PLD2: variants seen among roughly 807,000 people sequenced by gnomAD.
PLD2 encodes phospholipase D2, also known as choline phosphatase 2.
In PLD2, 101 loss-of-function variants were observed where a neutral mutation model predicts 119.8. That is an observed-to-expected ratio of 0.84 (90% CI 0.72 to 0.99). PLD2 has a LOEUF of 0.99. Ranked by LOEUF, PLD2 falls within the 50% of genes least tolerant of loss-of-function variation. The pLI is 0.00. For synonymous variants in PLD2, 494 were observed against 482.8 expected (o/e 1.02, Z -0.30); for missense variants, 1,164 against 1,226.8 (o/e 0.95, Z 0.76).
At position 4,819,396 on chromosome 17, in the gene PLD2, C is replaced by T; in HGVS notation, c.2309-33C>T. 1 of 1,610,902 alleles carries T rather than the reference C, an allele frequency of 6.2e-7. No homozygotes were observed. Among genetic ancestry groups the T allele is most frequent in the East Asian group, 2.2e-5 (1 of 44,730 alleles). ...GGGTACTGGGGAGAGTGCCCTGGGC[C>T]CAAGCACACAGTGTGCCCCGCATCC... On this transcript the variant is annotated intron_variant, in intron 22 of 24. Coordinates refer to ENST00000263088, the MANE Select transcript of PLD2 (RefSeq NM_002663.5). The surrounding 1 kb of genome is among the most constrained non-coding windows in gnomAD (Gnocchi z 4.2).
In PLD2 at chr17:4,822,647, G is replaced by T; in HGVS notation, c.2585G>T (p.Arg862Leu). The change falls in exon 25 of 25, where the codon CGC becomes CTC. Residue 862 changes from arginine to leucine, a missense_variant. Arg to Leu is a moderately radical substitution (Grantham distance 102). Transcript: ENST00000263088. ...CCATGCCCCCGCCCACAGATCTTCC[G>T]CTGCCTGCCATCCAATGCCACGCGT... Reference protein sequence around the residue: ...SNANIYEQIFRCLPSNATRSL... With the variant: ...SNANIYEQIFLCLPSNATRSL... 6.2e-7 allele frequency: 1 copy of T among 1,603,880 alleles called. No individual in the cohort carries two copies. Among genetic ancestry groups the T allele is most frequent in the African/African-American group, 1.3e-5 (1 of 74,888 alleles).
Position 4,822,726 on chromosome 17 carries a change from TC to T in PLD2, c.2670del (p.Leu891TrpfsTer21). 1 of 1,613,778 alleles carries T rather than the reference TC, an allele frequency of 6.2e-7. No homozygotes were observed. Among genetic ancestry groups the T allele is most frequent in the Non-Finnish European group, 8.5e-7 (1 of 1,179,766 alleles). ...VAVEPLATVSPPLARSELTQV... is the reference protein window; with the variant it reads ...VAVEPLATVSXPLARSELTQV... ...CCGTGGAGCCCTTGGCCACGGTCAG[TC>T]CCCCCTTGGCTCGGTCTGAGCTCAC... On this transcript the variant is annotated frameshift_variant, in exon 25 of 25. Transcript: ENST00000263088. LOFTEE classifies it high-confidence loss of function.
rs1567522411 is a variant in PLD2 at position 4,807,530 on chromosome 17, GT to G, written c.-1-240del. The G allele has an allele frequency of 3.3e-6, 1 of 299,778 alleles. No homozygotes were observed. The highest frequency in any genetic ancestry group is 6.4e-6 in the Non-Finnish European group (1 of 156,068). 18.6% of individuals were successfully genotyped at this position (299,778 alleles called of 1,614,324 possible). On this transcript the variant is annotated intron_variant, in intron 1 of 24. Transcript: ENST00000263088. This position sits in a 1 kb window ranked among gnomAD's most constrained non-coding sequence, Gnocchi z 5.4. The stretch of plus-strand genomic sequence containing the variant: ...TGGCTGGGTGTTCCCCGGGGCTCTG[GT>G]TACGGGACGGGGCGGGGGGCGGGGG...
At chr17:4,816,053 T>C in intron 14 of PLD2, 119 bp downstream of exon 14, 1 of 780,948 alleles carries the variant, frequency 1.3e-6, no homozygotes, top group Non-Finnish European at 2.1e-6. Context: ...TCAGGGTTCC[T>C]CAGACTTTCT....
chr17:4,814,561 TAGG>T, intron 11 of PLD2, 60 bp downstream of exon 11: 1 of 1,612,744 alleles, frequency 6.2e-7, no homozygotes. Flanking sequence ...AGATCAGCAT[TAGG>T]AGGAGAAGGG....
At position 4,808,027 on chromosome 17, in the gene PLD2, T is replaced by G. The variant is rs764161112; in HGVS notation, c.153T>G (p.Ser51=). 2 of 1,612,818 alleles carry G rather than the reference T, an allele frequency of 1.2e-6. No individual in the cohort carries two copies. The highest frequency in any genetic ancestry group is 1.7e-6 in the Non-Finnish European group (2 of 1,178,974). Residue 51 remains serine, a synonymous_variant, in exon 3 of 25, where the codon TCT becomes TCG. Coordinates refer to ENST00000263088, the MANE Select transcript of PLD2 (RefSeq NM_002663.5). This position sits in a 1 kb window ranked among gnomAD's most constrained non-coding sequence, Gnocchi z 4.1. ...TTCTGGCCATCTATGAGCTTCAGTCTCTGAAAGTGCACCCCTTGGTGTTCG... is the reference window on the plus strand; with the variant it reads ...TTCTGGCCATCTATGAGCTTCAGTCGCTGAAAGTGCACCCCTTGGTGTTCG... ...HPFLAIYELQ[S]LKVHPLVFAP...
At chr17:4,820,964 G>A (rs866090901) in intron 23 of PLD2, among the ~76,000 whole-genome samples, 7 of 149,164 alleles carry the variant, frequency 4.7e-5, no homozygotes, top group Admixed American at 2.0e-4. Flanking sequence ...GTGCAGTGGC[G>A]CGATCTCGGC....
intron 14 of PLD2, among the ~76,000 whole-genome samples, 198 bp downstream of exon 14, chr17:4,816,132 A>G (rs1407197104): frequency 2.0e-5 from 3 of 152,164 alleles, no homozygotes; most frequent in Non-Finnish European, 4.4e-5. Flanking sequence ...CTGTAATCCC[A>G]GCACTTTGGG....
rs1419327251 is a variant in PLD2, at chr17:4,822,708, GCCCTTGGCCACGGTCAGTCCC to G, written c.2655_2675del (p.Thr886_Ala892del). On this transcript the variant is annotated inframe_deletion, in exon 25 of 25. Transcript: ENST00000263088. Reference sequence around the variant, plus strand: ...CTCTCCGGGAGTACGTGGCCGTGGAGCCCTTGGCCACGGTCAGTCCCCCCTTGGCTCGGTCTGAGCTCACCC... The same window carrying G: ...CTCTCCGGGAGTACGTGGCCGTGGAGCCCTTGGCTCGGTCTGAGCTCACCC... 6.2e-7 allele frequency: 1 copy of G among 1,614,098 alleles called. No homozygotes were observed.
chr17:4,808,267 C>T lies in PLD2; in HGVS notation c.241-7C>T. On this transcript the variant is annotated splice_polypyrimidine_tract_variant and splice_region_variant and intron_variant, in intron 3 of 24. Coordinates refer to ENST00000263088, the MANE Select transcript of PLD2 (RefSeq NM_002663.5). This position sits in a 1 kb window ranked among gnomAD's most constrained non-coding sequence, Gnocchi z 4.1. ...GGGGACATCCATTCAGTTCCTCATA[C>T]CCCTAGGTGGGAACCTGCACTCTGT... 7.4e-6 allele frequency: 12 copies of T among 1,613,640 alleles called. No homozygotes were observed. Among genetic ancestry groups the T allele is most frequent in the Middle Eastern group, 1.7e-4 (1 of 6,060 alleles).
chr17:4,807,759 C>T lies in PLD2; in HGVS notation c.-1-13C>T. On this transcript the variant is annotated splice_polypyrimidine_tract_variant and intron_variant, in intron 1 of 24. Transcript: ENST00000263088. This position sits in a 1 kb window ranked among gnomAD's most constrained non-coding sequence, Gnocchi z 5.4. ...GGACAGCTCGCCTCCCTGAGGCTTC[C>T]CAATGTTCCTAGGATGACGGCGACC... 2.0e-6 allele frequency: 3 copies of T among 1,515,074 alleles called. No homozygotes were observed. Among genetic ancestry groups the T allele is most frequent in the Non-Finnish European group, 2.7e-6 (3 of 1,099,630 alleles). The allele number at this position is 1,515,074 out of a possible 1,614,324, so 93.9% of individuals were successfully genotyped here. A position where few individuals can be genotyped will look rare whatever the true frequency, so the allele number is the denominator to read the frequency against.
Position 4,807,650 on chromosome 17 carries a change from G to T in PLD2, c.-1-122G>T. The stretch of plus-strand genomic sequence containing the variant: ...GCAAACTGGTCAGGCGTCATCCGCG[G>T]GCGGTCAGGAGGCCGTGGGGGAAGA... On this transcript the variant is annotated intron_variant, in intron 1 of 24. Transcript: ENST00000263088. The surrounding 1 kb of genome is among the most constrained non-coding windows in gnomAD (Gnocchi z 5.4). 1 of 627,592 alleles carries T rather than the reference G, an allele frequency of 1.6e-6. No individual in the cohort carries two copies. The highest frequency in any genetic ancestry group is 2.8e-6 in the Non-Finnish European group (1 of 351,072). The allele number at this position is 627,592 out of a possible 1,614,324, so 38.9% of individuals were successfully genotyped here.
At position 4,810,906 on chromosome 17, in the gene PLD2, G is replaced by A. The variant is rs765555533; in HGVS notation, c.965G>A (p.Arg322Gln). Reference sequence around the variant, plus strand: ...GGCAGAGACTTCCTACAGCTGCACCGGCATGACAGCTACGCCCCACCCCGG... The same window carrying A: ...GGCAGAGACTTCCTACAGCTGCACCAGCATGACAGCTACGCCCCACCCCGG... ...GPGRDFLQLH[R>Q]HDSYAPPRPG... The change falls in exon 10 of 25, where the codon CGG becomes CAG. Residue 322 changes from arginine to glutamine, a missense_variant. Transcript: ENST00000263088. 19 of 1,613,560 alleles carry A rather than the reference G, an allele frequency of 1.2e-5. No homozygotes were observed. The East Asian group carries it at 1.3e-4, about 11-fold the overall frequency.
At position 4,822,933 on chromosome 17, in the gene PLD2, C is replaced by A; in HGVS notation, c.*69C>A. The A allele has an allele frequency of 2.3e-6, 2 of 851,194 alleles. No homozygotes were observed. Among genetic ancestry groups the A allele is most frequent in the Non-Finnish European group, 3.8e-6 (2 of 524,470 alleles). The allele number at this position is 851,194 out of a possible 1,614,324, so 52.7% of individuals were successfully genotyped here. A position where few individuals can be genotyped will look rare whatever the true frequency, so the allele number is the denominator to read the frequency against. On this transcript the variant is annotated 3_prime_UTR_variant, in exon 25 of 25. Coordinates refer to ENST00000263088, the MANE Select transcript of PLD2 (RefSeq NM_002663.5). ...CCACGTCTGGCTCCCTGCCCCTTAACCCCAAGGACTGAGGGCAGTGCCCTT... is the reference window on the plus strand; with the variant it reads ...CCACGTCTGGCTCCCTGCCCCTTAAACCCAAGGACTGAGGGCAGTGCCCTT...
At chr17:4,812,699 G>A (rs947489478) in intron 10 of PLD2, among the ~76,000 whole-genome samples, 10 of 152,148 alleles carry the variant, frequency 6.6e-5, no homozygotes, top group African/African-American at 2.4e-5. Flanking sequence ...GGCACACGAG[G>A]GAACATTCCA....
In PLD2 at chr17:4,807,584, T is replaced by C. The variant is rs376494693; in HGVS notation, c.-1-188T>C. On this transcript the variant is annotated intron_variant, in intron 1 of 24. Transcript: ENST00000263088. The surrounding 1 kb of genome is among the most constrained non-coding windows in gnomAD (Gnocchi z 5.4). Reference sequence around the variant, plus strand: ...GGGACTGGGATTGTGGATGAAGGACTAAGGTAGGGGATGGGGGCTCGAAGG... The same window carrying C: ...GGGACTGGGATTGTGGATGAAGGACCAAGGTAGGGGATGGGGGCTCGAAGG... 26 of 500,044 alleles carry C rather than the reference T, an allele frequency of 5.2e-5. No individual in the cohort carries two copies. The highest frequency in any genetic ancestry group is 4.3e-4 in the African/African-American group (22 of 50,874). The allele number at this position is 500,044 out of a possible 1,614,324, so 31.0% of individuals were successfully genotyped here.
At chr17:4,811,026 C>A in intron 10 of PLD2, 75 bp downstream of exon 10, 1 of 1,430,708 alleles carries the variant, frequency 7.0e-7, no homozygotes, top group Non-Finnish European at 9.5e-7. Flanking sequence ...GTCCTTCATC[C>A]TCTCTTTTCT....
chr17:4,814,230 T>C (rs1310974044), intron 10 of PLD2, 188 bp from the exon 11 acceptor site: 11 of 788,650 alleles, frequency 1.4e-5, no homozygotes, highest in Non-Finnish European at 1.7e-5. Flanking sequence ...CTTTTTGTAA[T>C]TTTTATTTGT....
chr17:4,816,376 C>G (rs1191966802), intron 14 of PLD2, among the ~76,000 whole-genome samples: 2 of 137,022 alleles, frequency 1.5e-5, no homozygotes, highest in African/African-American at 5.7e-5. Context: ...GAGCGAGACT[C>G]TGTCTCAAAA....
Sources: gnomAD v4.1 joint callset for allele counts (sites outside exome capture counted in the v4.1 genomes callset) on GRCh38, gnomAD v4.1.1 for gene constraint, Gnocchi (gnomAD v3.1) non-coding constraint, MANE v1.5 for transcripts, NCBI Gene and HGNC (gene_info 2026-07-23, HGNC 2026-07-21) for gene names.